Variants in CDH20 observed in about 807,000 individuals in gnomAD.
The protein encoded by CDH20 is cadherin-20.
A neutral mutation model predicts 74.2 loss-of-function variants in CDH20; 29 were observed. The ratio of observed to expected loss-of-function variants is 0.39; its 90% confidence interval spans 0.29 to 0.53. CDH20 has a LOEUF of 0.53. CDH20 is among the 20% of genes least tolerant of loss of function. CDH20 has a pLI of 0.69. For synonymous variants in CDH20, 469 were observed against 405.4 expected, an observed-to-expected ratio of 1.16 and a Z score of -1.88; for missense variants, 988 against 1,048.3, an observed-to-expected ratio of 0.94 and a Z score of 0.79.
chr18:61,408,434 CT>C (rs1395230049), intron 1 of CDH20, among the ~76,000 whole-genome samples: 1 of 152,174 alleles, frequency 6.6e-6, no homozygotes, highest in Non-Finnish European at 1.5e-5. Context: ...GCTGGATGAT[CT>C]CTGGTTTCAA....
At chr18:61,507,700 A>AG (rs1438301147) in intron 6 of CDH20, 140 bp downstream of exon 6, 8 of 546,002 alleles carry the variant, frequency 1.5e-5, no homozygotes, top group Non-Finnish European at 2.4e-5. Context: ...AAAAAAAAAA[A>AG]CACACAGAAA....
At chr18:61,467,613 A>G (rs1910006253) in intron 1 of CDH20, among the ~76,000 whole-genome samples, 1 of 152,218 alleles carries the variant, frequency 6.6e-6, no homozygotes, top group Admixed American at 6.5e-5. Context: ...AGGAAAGATG[A>G]ACATGATAGT....
Position 61,490,883 on chromosome 18 carries a change from A to G in CDH20, c.246+84A>G, listed in dbSNP as rs1044252635. The G allele has an allele frequency of 8.3e-6, 12 of 1,447,778 alleles. No homozygotes were observed. In the Admixed American group the frequency reaches 2.2e-4, roughly 26 times the overall value. The allele number at this position is 1,447,778 out of a possible 1,614,324, so 89.7% of individuals were successfully genotyped here. A position where few individuals can be genotyped will look rare whatever the true frequency, so the allele number is the denominator to read the frequency against. On this transcript the variant is annotated intron_variant, in intron 2 of 11. Transcript: ENST00000262717. ...GAGTATCAAAGTTGACCTAGCCTTTATCTGAGACCTGAGAAAAACTAGAAC... is the reference window on the plus strand; with the variant it reads ...GAGTATCAAAGTTGACCTAGCCTTTGTCTGAGACCTGAGAAAAACTAGAAC...
At chr18:61,399,047 C>G (rs1451483719) in intron 1 of CDH20, among the ~76,000 whole-genome samples, 1 of 152,140 alleles carries the variant, frequency 6.6e-6, no homozygotes, top group Non-Finnish European at 1.5e-5. Context: ...TTTACCTGTT[C>G]ATACAGTACA....
chr18:61,515,630 G>C (rs2144347150), intron 6 of CDH20, among the ~76,000 whole-genome samples: 1 of 151,032 alleles, frequency 6.6e-6, no homozygotes. Context: ...TCCTTTGTAG[G>C]GACATGGATG....
chr18:61,369,337 T>C (rs1300913924), intron 1 of CDH20, among the ~76,000 whole-genome samples: 2 of 152,114 alleles, frequency 1.3e-5, no homozygotes, highest in African/African-American at 4.8e-5. Context: ...GAACAAAATA[T>C]CCAGGATAGG....
At chr18:61,432,239 T>G in intron 1 of CDH20, among the ~76,000 whole-genome samples, 1 of 123,014 alleles carries the variant, frequency 8.1e-6, no homozygotes, top group Non-Finnish European at 1.6e-5. Flanking sequence ...AACAAAACTC[T>G]ATCTCAAAAA....
rs532727136 is a variant in CDH20 at position 61,361,118 on chromosome 18, T to C, written c.-153+27291T>C. ...AACCCTGTATGGTGACTACAAGTATTTCAATTAGTTTGCAGAAGCAAATAC... is the reference window on the plus strand; with the variant it reads ...AACCCTGTATGGTGACTACAAGTATCTCAATTAGTTTGCAGAAGCAAATAC... On this transcript the variant is annotated intron_variant, in intron 1 of 11. Transcript: ENST00000262717. Among the ~76,000 whole-genome samples, 313 of 152,316 alleles carry C rather than the reference T, an allele frequency of 2.1e-3. 2 individuals carry two copies. The highest frequency in any genetic ancestry group is 2.9e-3 in the Non-Finnish European group (200 of 68,032).
intron 1 of CDH20, among the ~76,000 whole-genome samples, chr18:61,334,848 T>C (rs530314260): frequency 3.1e-4 from 47 of 150,720 alleles, no homozygotes; most frequent in African/African-American, 1.1e-3. Flanking sequence ...ATTAATGCTC[T>C]TGTTATTGGC....
intron 7 of CDH20, among the ~76,000 whole-genome samples, chr18:61,531,799 T>C (rs1166948966): frequency 6.6e-6 from 1 of 152,168 alleles, no homozygotes; most frequent in Non-Finnish European, 1.5e-5. Context: ...CTGATGGTTT[T>C]AAAAGGGGCT....
intron 6 of CDH20, among the ~76,000 whole-genome samples, chr18:61,520,271 G>A (rs1248427006): frequency 1.4e-4 from 19 of 134,960 alleles, no homozygotes; most frequent in African/African-American, 5.5e-5. Context: ...AGCCTAGATC[G>A]TGCCACTGCA....
At chr18:61,530,742 T>C (rs931969453) in intron 7 of CDH20, among the ~76,000 whole-genome samples, 2 of 152,232 alleles carry the variant, frequency 1.3e-5, no homozygotes, top group Admixed American at 6.5e-5. Context: ...AAGGACTTTT[T>C]GGCAGGCAGG....
chr18:61,410,156 T>C (rs1005727552), intron 1 of CDH20, among the ~76,000 whole-genome samples: 1 of 152,242 alleles, frequency 6.6e-6, no homozygotes, highest in African/African-American at 2.4e-5. Context: ...TGTCCTGTCC[T>C]GGGTCAACCA....
intron 9 of CDH20, among the ~76,000 whole-genome samples, chr18:61,541,746 C>T (rs1420314232): frequency 6.6e-6 from 1 of 152,198 alleles, no homozygotes; most frequent in Non-Finnish European, 1.5e-5. Context: ...TGGATACTGT[C>T]CTCAGCTTCA....
chr18:61,333,987 G>T (rs1909661707), intron 1 of CDH20, among the ~76,000 whole-genome samples, 160 bp downstream of exon 1: 1 of 152,184 alleles, frequency 6.6e-6, no homozygotes. Flanking sequence ...CCTACCGGCC[G>T]CTCCGAGTTC....
intron 7 of CDH20, among the ~76,000 whole-genome samples, chr18:61,531,199 G>A (rs1375452537): frequency 6.6e-6 from 1 of 152,208 alleles, no homozygotes; most frequent in Non-Finnish European, 1.5e-5. Flanking sequence ...CCCTCGATGA[G>A]GGAGGCTTCT....
intron 1 of CDH20, among the ~76,000 whole-genome samples, chr18:61,406,360 T>A (rs558790971): frequency 6.6e-6 from 1 of 152,198 alleles, no homozygotes; most frequent in African/African-American, 2.4e-5. Flanking sequence ...ATCAGTCTCA[T>A]CTCACTCATT....
intron 1 of CDH20, among the ~76,000 whole-genome samples, chr18:61,380,182 A>G (rs1272938104): frequency 2.6e-5 from 4 of 152,216 alleles, no homozygotes; most frequent in Admixed American, 2.6e-4. Flanking sequence ...TATCCTGATG[A>G]AAAGTCTTCT....
intron 1 of CDH20, among the ~76,000 whole-genome samples, chr18:61,397,366 C>A (rs1248425208): frequency 6.6e-6 from 1 of 152,078 alleles, no homozygotes; most frequent in African/African-American, 2.4e-5. Flanking sequence ...CCTGGCCTAC[C>A]CACTCCTGAA....
Sources: gnomAD v4.1 joint callset for allele counts (sites outside exome capture counted in the v4.1 genomes callset) on GRCh38, gnomAD v4.1.1 for gene constraint, MANE v1.5 for transcripts, NCBI Gene and HGNC (gene_info 2026-07-23, HGNC 2026-07-21) for gene names.